PALLD: variants seen among roughly 807,000 people sequenced by gnomAD.
The protein encoded by PALLD is palladin.
PALLD carries 61 observed loss-of-function variants against 123.5 expected under a neutral mutation model. That is an observed-to-expected ratio of 0.49 (90% CI 0.40 to 0.61). PALLD has a LOEUF of 0.61. Ranked by LOEUF, PALLD falls within the 20% of genes least tolerant of loss-of-function variation. The pLI is 0.00. For missense variants in PALLD, 1,273 were observed against 1,377.0 expected, an observed-to-expected ratio of 0.92 and a Z score of 1.20; for synonymous variants, 465 against 496.4, an observed-to-expected ratio of 0.94 and a Z score of 0.84.
intron 10 of PALLD, among the ~76,000 whole-genome samples, chr4:168,778,958 G>A (rs929059491): frequency 6.6e-6 from 1 of 152,180 alleles, no homozygotes; most frequent in Non-Finnish European, 1.5e-5. Context: ...ACCGTCCTCC[G>A]CCAAAGAGGT....
At chr4:168,716,867 G>A (rs1360112769) in intron 10 of PALLD, among the ~76,000 whole-genome samples, 1 of 152,084 alleles carries the variant, frequency 6.6e-6, no homozygotes, top group African/African-American at 2.4e-5. Context: ...ATTCCTGATG[G>A]GTTTCCTCCA....
intron 2 of PALLD, among the ~76,000 whole-genome samples, chr4:168,569,009 G>T (rs1418688994): frequency 6.6e-6 from 1 of 152,068 alleles, no homozygotes; most frequent in Admixed American, 6.6e-5. Flanking sequence ...AGAAAGGAAA[G>T]AAATTATCTC....
chr4:168,753,088 A>C (rs1731283966), intron 10 of PALLD, among the ~76,000 whole-genome samples: 1 of 152,180 alleles, frequency 6.6e-6, no homozygotes, highest in African/African-American at 2.4e-5. Flanking sequence ...ATCTCAGTTG[A>C]CATTATGAAA....
intron 2 of PALLD, among the ~76,000 whole-genome samples, chr4:168,659,736 T>C (rs1778947913): frequency 1.3e-5 from 2 of 152,328 alleles, no homozygotes. Context: ...TTTATAAGCG[T>C]TATAAGTCAG....
At chr4:168,893,885 G>A (rs78036822) in intron 11 of PALLD, among the ~76,000 whole-genome samples, 3,379 of 152,332 alleles carry the variant, frequency 0.022, 64 homozygotes, top group South Asian at 0.077. Context: ...AGTCAATTGA[G>A]GCTGTTAGCT....
At chr4:168,925,581 C>T (rs932863178) in intron 21 of PALLD, among the ~76,000 whole-genome samples, 3 of 152,014 alleles carry the variant, frequency 2.0e-5, no homozygotes, top group Non-Finnish European at 4.4e-5. Context: ...CAGCAGTAGA[C>T]TTGTGTTTGT....
chr4:168,847,067 G>C (rs555960716), intron 10 of PALLD, among the ~76,000 whole-genome samples: 5 of 152,268 alleles, frequency 3.3e-5, no homozygotes, highest in African/African-American at 1.2e-4. Context: ...AATTGAATTG[G>C]AAGCTCAGTT....
chr4:168,915,130 A>G (rs1047370060), intron 16 of PALLD, among the ~76,000 whole-genome samples: 1 of 152,216 alleles, frequency 6.6e-6, no homozygotes, highest in Non-Finnish European at 1.5e-5. Flanking sequence ...AGGGTAAACT[A>G]TATTAAAAAG....
chr4:168,796,862 T>C (rs1178336347), intron 10 of PALLD, among the ~76,000 whole-genome samples: 2 of 152,194 alleles, frequency 1.3e-5, no homozygotes, highest in Non-Finnish European at 2.9e-5. Context: ...GTCTCCTAAT[T>C]CGAGGTCATG....
At chr4:168,833,143 G>A (rs921464736) in intron 10 of PALLD, among the ~76,000 whole-genome samples, 1 of 152,160 alleles carries the variant, frequency 6.6e-6, no homozygotes, top group African/African-American at 2.4e-5. Context: ...TGTCCCGAAT[G>A]GTGAGTGGTC....
chr4:168,911,324 T>A (rs932391560), intron 15 of PALLD, among the ~76,000 whole-genome samples: 1 of 152,240 alleles, frequency 6.6e-6, no homozygotes, highest in African/African-American at 2.4e-5. Context: ...TATATCTTTT[T>A]CTAACCGCAT....
At chr4:168,627,099 A>G (rs148831074) in intron 2 of PALLD, among the ~76,000 whole-genome samples, 153 of 152,362 alleles carry the variant, frequency 1.0e-3, no homozygotes, top group African/African-American at 3.0e-3. Context: ...TGTGTTTTTT[A>G]ACAACAACTA....
At chr4:168,558,421 C>A (rs1024693957) in intron 2 of PALLD, among the ~76,000 whole-genome samples, 5 of 152,124 alleles carry the variant, frequency 3.3e-5, no homozygotes, top group African/African-American at 1.2e-4. Flanking sequence ...CATTTCAAAG[C>A]GGTAGAGGTG....
At chr4:168,583,851 A>G (rs1032048982) in intron 2 of PALLD, among the ~76,000 whole-genome samples, 5 of 152,006 alleles carry the variant, frequency 3.3e-5, no homozygotes, top group Non-Finnish European at 2.9e-5. Flanking sequence ...CTTTCCTTCG[A>G]TATCTTTTCT....
intron 10 of PALLD, among the ~76,000 whole-genome samples, chr4:168,777,191 C>A (rs1029043259): frequency 6.6e-6 from 1 of 152,114 alleles, no homozygotes; most frequent in African/African-American, 2.4e-5. Context: ...GGCCACAGGA[C>A]TTTTCAACCT....
At chr4:168,766,574 T>G (rs7696431) in intron 10 of PALLD, among the ~76,000 whole-genome samples, 83,260 of 151,960 alleles carry the variant, frequency 0.55, 23,190 homozygotes, top group African/African-American at 0.64. Context: ...GGAGAGCCTG[T>G]TTCCTGAGAA....
chr4:168,685,164 AG>A (rs1201757425), intron 5 of PALLD, among the ~76,000 whole-genome samples: 2 of 152,238 alleles, frequency 1.3e-5, no homozygotes, highest in Non-Finnish European at 2.9e-5. Flanking sequence ...ATTGTCTACG[AG>A]AACTTTAAAA....
intron 2 of PALLD, among the ~76,000 whole-genome samples, chr4:168,629,238 T>C (rs1244879671): frequency 3.3e-5 from 5 of 152,152 alleles, no homozygotes; most frequent in Non-Finnish European, 7.3e-5. Context: ...GGTCTCCAAC[T>C]CCTGACCTCA....
At chr4:168,901,634 G>C (rs1396536110) in intron 14 of PALLD, among the ~76,000 whole-genome samples, 1 of 152,092 alleles carries the variant, frequency 6.6e-6, no homozygotes, top group Non-Finnish European at 1.5e-5. Flanking sequence ...GAGGCAGGCA[G>C]ATCTCTTGAG....
Sources: allele counts gnomAD v4.1 joint callset (sites outside exome capture counted in the v4.1 genomes callset), GRCh38; gene constraint gnomAD v4.1.1; transcripts MANE v1.5; gene names NCBI Gene and HGNC (gene_info 2026-07-23, HGNC 2026-07-21).